The following SGIP1 variants were observed in gnomAD, a reference collection of about 807,000 sequenced individuals.
SGIP1 encodes the protein SH3-containing GRB2-like protein 3-interacting protein 1.
In SGIP1, 38 loss-of-function variants were observed where a neutral mutation model predicts 107.5. That is an observed-to-expected ratio of 0.35 (90% CI 0.27 to 0.46). The LOEUF (loss-of-function observed/expected upper bound fraction) is 0.46, where lower values mean the gene tolerates loss of function less well. SGIP1 is among the 20% of genes least tolerant of loss of function. The pLI, the probability that SGIP1 is intolerant of heterozygous loss-of-function variation, is 1.00. For missense variants in SGIP1, 929 were observed against 1,019.5 expected (o/e 0.91, Z 1.21); for synonymous variants, 365 against 366.1 (o/e 1.00, Z 0.03).
intron 1 of SGIP1, among the ~76,000 whole-genome samples, chr1:66,537,079 G>A (rs2053800132): frequency 6.6e-6 from 1 of 152,166 alleles, no homozygotes; most frequent in African/African-American, 2.4e-5. Context: ...CCTCCTCAGT[G>A]ATCCTAATTT....
chr1:66,558,025 C>CAGTATG, intron 1 of SGIP1, among the ~76,000 whole-genome samples: 1 of 152,056 alleles, frequency 6.6e-6, no homozygotes, highest in South Asian at 2.1e-4. Context: ...AAACTTGCTT[C>CAGTATG]CAGGAAACTA....
intron 8 of SGIP1, chr1:66,666,103 A>C (rs930054701): frequency 6.6e-6 from 1 of 152,186 alleles, no homozygotes; most frequent in Non-Finnish European, 1.5e-5. Flanking sequence ...TTATGGTTTT[A>C]GGTCTAACAT....
chr1:66,687,718 C>T (rs1199196944), intron 15 of SGIP1, among the ~76,000 whole-genome samples: 3 of 152,124 alleles, frequency 2.0e-5, no homozygotes, highest in Non-Finnish European at 2.9e-5. Flanking sequence ...ACCTCCAAAG[C>T]TTATCAGGGG....
chr1:66,634,226 T>G, intron 3 of SGIP1: 1 of 1,316,596 alleles, frequency 7.6e-7, no homozygotes, highest in Non-Finnish European at 1.1e-6. Flanking sequence ...GGTTCTCTGG[T>G]CCCCTCTGAC....
At chr1:66,632,473 C>T (rs976643459) in intron 2 of SGIP1, among the ~76,000 whole-genome samples, 3 of 152,046 alleles carry the variant, frequency 2.0e-5, no homozygotes, top group Non-Finnish European at 2.9e-5. Flanking sequence ...CAGGACCATT[C>T]GCAGAAGAAA....
intron 1 of SGIP1, among the ~76,000 whole-genome samples, chr1:66,580,631 T>C (rs569926320): frequency 6.6e-6 from 1 of 152,156 alleles, no homozygotes; most frequent in Non-Finnish European, 1.5e-5. Context: ...GATCAATAAA[T>C]TAATAACATC....
chr1:66,699,230 G>C (rs11800459), intron 18 of SGIP1, among the ~76,000 whole-genome samples: 2,438 of 152,054 alleles, frequency 0.016, 64 homozygotes, highest in African/African-American at 0.056. Flanking sequence ...CGTTCATCAT[G>C]GGACTAGGAG....
intron 21 of SGIP1, among the ~76,000 whole-genome samples, chr1:66,736,209 T>C (rs867984786): frequency 6.9e-6 from 1 of 145,640 alleles, no homozygotes; most frequent in African/African-American, 2.5e-5. Context: ...ATTTTAAATA[T>C]AAATATTTAT....
Position 66,695,195 on chromosome 1 carries a change from C to T in SGIP1, c.1571-239C>T, listed in dbSNP as rs1423527880. On this transcript the variant is annotated intron_variant, in intron 17 of 24. Transcript: ENST00000371037. ...CAAGCACCAAGTATCAAGCGACCAC[C>T]AACACATTCCCATTCCTTTAGGCCT... 4.8e-5 allele frequency: 37 copies of T among 770,338 alleles called. 1 individual carries two copies. The highest frequency in any genetic ancestry group is 3.9e-6 in the Non-Finnish European group (2 of 506,452). 47.7% of individuals were successfully genotyped at this position (770,338 alleles called of 1,614,324 possible).
intron 17 of SGIP1, among the ~76,000 whole-genome samples, chr1:66,693,329 C>G (rs1333378510): frequency 6.6e-6 from 1 of 151,694 alleles, no homozygotes; most frequent in Non-Finnish European, 1.5e-5. Context: ...CACAGGACCT[C>G]TACTATATGA....
Position 66,635,951 on chromosome 1 carries a change from GC to G in SGIP1, c.110del (p.Pro37HisfsTer100). ...GAAAACAATCAATTCCAGCAGCCCA[GC>G]CCACACGAACCACCCTACAATAGCA... ...GSPDRDGIQP[S>X]PHEPPYNSKA... On this transcript the variant is annotated frameshift_variant, in exon 4 of 25. Coordinates refer to ENST00000371037, the MANE Select transcript of SGIP1 (RefSeq NM_032291.4). LOFTEE classifies it high-confidence loss of function. 2 of 1,613,792 alleles carry G rather than the reference GC, an allele frequency of 1.2e-6. No homozygotes were observed. Among genetic ancestry groups the G allele is most frequent in the Non-Finnish European group, 1.7e-6 (2 of 1,179,846 alleles).
chr1:66,620,664 G>T (rs1454256817), intron 1 of SGIP1, among the ~76,000 whole-genome samples: 1 of 152,178 alleles, frequency 6.6e-6, no homozygotes, highest in African/African-American at 2.4e-5. Context: ...CTCCCATCAG[G>T]TCCCTCCCTT....
chr1:66,665,725 T>A (rs1199137781), intron 8 of SGIP1: 1 of 152,268 alleles, frequency 6.6e-6, no homozygotes, highest in East Asian at 1.9e-4. Flanking sequence ...TGACCAGTGA[T>A]GATGAACATT....
At chr1:66,584,758 C>T (rs995493651) in intron 1 of SGIP1, among the ~76,000 whole-genome samples, 2 of 152,124 alleles carry the variant, frequency 1.3e-5, no homozygotes, top group African/African-American at 4.8e-5. Flanking sequence ...ATGAAGCAAG[C>T]AAAACCTTCT....
intron 1 of SGIP1, among the ~76,000 whole-genome samples, chr1:66,586,224 T>C (rs2062595273): frequency 6.6e-6 from 1 of 152,194 alleles, no homozygotes; most frequent in African/African-American, 2.4e-5. Context: ...TTTGCCTAGG[T>C]TATTATATTT....
chr1:66,690,548 C>T, intron 17 of SGIP1: 1 of 547,718 alleles, frequency 1.8e-6, no homozygotes, highest in Non-Finnish European at 3.2e-6. Flanking sequence ...CAGGAATTTT[C>T]TTATGCTGTT....
chr1:66,732,975 T>C (rs2150622632), intron 20 of SGIP1, among the ~76,000 whole-genome samples: 1 of 152,312 alleles, frequency 6.6e-6, no homozygotes, highest in East Asian at 1.9e-4. Context: ...ATGAGTTATA[T>C]GTTTGTACAC....
In SGIP1 at chr1:66,557,051, T is replaced by C. The variant is rs117133243; in HGVS notation, c.10+22683T>C. Among the ~76,000 whole-genome samples the C allele has an allele frequency of 1.1e-4, 16 of 152,254 alleles. 1 individual carries two copies. In the East Asian group the frequency reaches 2.1e-3, roughly 20 times the overall value. On this transcript the variant is annotated intron_variant, in intron 1 of 24. Transcript: ENST00000371037. ...ATCACAACAAGGAGTAATTTGTAGG[T>C]ACCCTGAGATGTGACTATGAATCAT... is the stretch of plus-strand genomic sequence containing the variant.
chr1:66,682,243 A>G lies in SGIP1; in HGVS notation c.1189A>G (p.Ile397Val). 3.1e-6 allele frequency: 5 copies of G among 1,614,046 alleles called. No homozygotes were observed. The highest frequency in any genetic ancestry group is 4.2e-6 in the Non-Finnish European group (5 of 1,179,984). Reference protein sequence around the residue: ...TFIKDDYLETISSPKDFGLGQ... With the variant: ...TFIKDDYLETVSSPKDFGLGQ... Reference sequence around the variant, plus strand: ...CATTAAAGATGATTACTTAGAAACAATCTCATCTCCTAAAGATTTTGGGTT... The same window carrying G: ...CATTAAAGATGATTACTTAGAAACAGTCTCATCTCCTAAAGATTTTGGGTT... Residue 397 changes from isoleucine to valine, a missense_variant, in exon 15 of 25, where the codon ATC becomes GTC. Ile to Val is a conservative substitution (Grantham distance 29). This residue lies in a region of SGIP1 where 588 missense variants were observed against 588.6 expected (regional missense o/e 1.00). Transcript: ENST00000371037.
Sources: gnomAD v4.1 joint callset for allele counts (sites outside exome capture counted in the v4.1 genomes callset) on GRCh38, gnomAD v4.1.1 for gene constraint, gnomAD v4.1.1 regional missense constraint, MANE v1.5 for transcripts, NCBI Gene and HGNC (gene_info 2026-07-23, HGNC 2026-07-21) for gene names.